Variants in ANK1 observed in about 807,000 individuals in gnomAD.
ANK1 encodes the protein ankyrin 1, also known as ankyrin-1.
Under a neutral mutation model 210.4 loss-of-function variants are expected in ANK1, and 51 were observed. The observed-to-expected ratio is 0.24, with a 90% CI of 0.19 to 0.31. The LOEUF is 0.31. Ranked by LOEUF, ANK1 falls within the 10% of genes least tolerant of loss-of-function variation. The pLI is 1.00. For synonymous variants in ANK1, 967 were observed against 1,025.9 expected, an observed-to-expected ratio of 0.94 and a Z score of 1.10; for missense variants, 2,051 against 2,504.4, an observed-to-expected ratio of 0.82 and a Z score of 3.86.
chr8:41,881,177 G>A (rs1259324617), intron 1 of ANK1, among the ~76,000 whole-genome samples: 1 of 152,182 alleles, frequency 6.6e-6, no homozygotes, highest in Admixed American at 6.5e-5. Context: ...CCTTCCAAGA[G>A]GCTGTGTCTT....
chr8:41,847,050 C>T (rs1019928203), intron 1 of ANK1, among the ~76,000 whole-genome samples: 2 of 152,232 alleles, frequency 1.3e-5, no homozygotes, highest in African/African-American at 4.8e-5. Flanking sequence ...GTGACTTTCT[C>T]ACCTTCCAGT....
At chr8:41,716,844 A>G in intron 13 of ANK1, 109 bp downstream of exon 13, 1 of 1,122,588 alleles carries the variant, frequency 8.9e-7, no homozygotes. Context: ...ATGAAAAGTG[A>G]TCCCCAGGCC....
At position 41,694,490 on chromosome 8, in the gene ANK1, C is replaced by T. The variant is rs1820247392; in HGVS notation, c.3327+102G>A. 1.0e-5 allele frequency: 12 copies of T among 1,198,956 alleles called. No individual in the cohort carries two copies. Among genetic ancestry groups the T allele is most frequent in the Middle Eastern group, 5.4e-4 (2 of 3,674 alleles). The allele number at this position is 1,198,956 out of a possible 1,614,324, so 74.3% of individuals were successfully genotyped here. On this transcript the variant is annotated intron_variant, in intron 28 of 42. Coordinates refer to ENST00000289734, the MANE Select transcript of ANK1 (RefSeq NM_000037.4). This position sits in a 1 kb window ranked among gnomAD's most constrained non-coding sequence, Gnocchi z 5.7. The stretch of plus-strand genomic sequence containing the variant: ...AGATCTCCACTGTGGCATTTCAAAG[C>T]ACCAGACAAAAGTGTGGGGATGTCC...
rs1216556162 is a variant in ANK1 at position 41,659,046 on chromosome 8, C to T, written c.*36+2384G>A. Among the ~76,000 whole-genome samples, 6 of 152,362 alleles carry T rather than the reference C, an allele frequency of 3.9e-5. No individual in the cohort carries two copies. The South Asian group carries it at 6.2e-4, about 16-fold the overall frequency. On this transcript the variant is annotated intron_variant, in intron 42 of 42. Transcript: ENST00000289734. ...CAATATTTTGGTCAACTGATGAATA[C>T]ATAACTTTGTGTTAAATGCGTTTCT... is the stretch of plus-strand genomic sequence containing the variant.
intron 3 of ANK1, 94 bp downstream of exon 3, chr8:41,733,877 T>C: frequency 3.0e-6 from 3 of 1,008,046 alleles, no homozygotes; most frequent in Non-Finnish European, 4.8e-6. Flanking sequence ...TTCAGATGCA[T>C]GCCTGAGTTC....
chr8:41,727,915 T>C lies in ANK1; in HGVS notation c.320A>G (p.Gln107Arg), dbSNP rs767602334. 1.2e-6 allele frequency: 2 copies of C among 1,614,074 alleles called. No homozygotes were observed. The highest frequency in any genetic ancestry group is 2.2e-5 in the East Asian group (1 of 44,894). ...AGACCAGAGAGCCATTACCTGTGAC[T>C]GGGCGTTGACGTTGGCTCCATAGTT... ...LVNYGANVNA[Q>R]SQKGFTPLYM... Residue 107 changes from glutamine (Q) to arginine (R), a missense_variant, in exon 4 of 43, where the codon CAG (glutamine) becomes CGG (arginine). Transcript: ENST00000289734.
At chr8:41,710,980 G>A (rs769440811) in intron 16 of ANK1, among the ~76,000 whole-genome samples, 8 of 152,232 alleles carry the variant, frequency 5.3e-5, no homozygotes, top group African/African-American at 1.9e-4. Context: ...AGAATGACAT[G>A]AGATAATCCT....
intron 1 of ANK1, among the ~76,000 whole-genome samples, chr8:41,881,139 G>A (rs1817507503): frequency 6.6e-6 from 1 of 152,218 alleles, no homozygotes; most frequent in South Asian, 2.1e-4. Flanking sequence ...TCCTCATGAA[G>A]GGGATGGGGT....
intron 1 of ANK1, among the ~76,000 whole-genome samples, chr8:41,776,654 C>T (rs979765176): frequency 6.6e-6 from 1 of 152,208 alleles, no homozygotes; most frequent in Non-Finnish European, 1.5e-5. Context: ...TAAGGGGTGG[C>T]TTCCACTGGC....
At chr8:41,739,522 T>TTTC (rs1834200533) in intron 2 of ANK1, among the ~76,000 whole-genome samples, 2 of 35,432 alleles carry the variant, frequency 5.6e-5, no homozygotes, top group Non-Finnish European at 8.9e-5. Flanking sequence ...TTTTTCTTTC[T>TTTC]TTTTTTTTTT....
chr8:41,727,238 C>T lies in ANK1; in HGVS notation c.426+12G>A. ...ACTTCTGGTGGTGACGACATTTTTC[C>T]AAGGTACTTACTTCTGTGGCTACAT... On this transcript the variant is annotated intron_variant, in intron 5 of 42. Transcript: ENST00000289734. The T allele has an allele frequency of 6.2e-7, 1 of 1,610,612 alleles. No individual in the cohort carries two copies. The highest frequency in any genetic ancestry group is 8.5e-7 in the Non-Finnish European group (1 of 1,176,788).
intron 1 of ANK1, among the ~76,000 whole-genome samples, chr8:41,892,617 G>A (rs1359177687): frequency 2.0e-5 from 3 of 152,138 alleles, no homozygotes; most frequent in African/African-American, 7.2e-5. Context: ...AGATTAGATG[G>A]TTCCACTGCC....
chr8:41,746,161 G>C (rs759892534), intron 2 of ANK1, among the ~76,000 whole-genome samples: 4 of 152,194 alleles, frequency 2.6e-5, no homozygotes, highest in Non-Finnish European at 5.9e-5. Context: ...CAGGCCTCTC[G>C]TTCTGCGGGG....
intron 29 of ANK1, 69 bp downstream of exon 29, chr8:41,693,829 C>A: frequency 6.6e-7 from 1 of 1,518,884 alleles, no homozygotes; most frequent in South Asian, 1.2e-5. Flanking sequence ...CTTCTCGAGT[C>A]ACCCCCCTAC....
At chr8:41,714,704 T>A (rs1466985428) in intron 15 of ANK1, among the ~76,000 whole-genome samples, 3 of 151,958 alleles carry the variant, frequency 2.0e-5, no homozygotes, top group Admixed American at 2.0e-4. Flanking sequence ...TATAATTGTT[T>A]TTTTAAGTTA....
chr8:41,816,886 A>G (rs1265683582), intron 1 of ANK1, among the ~76,000 whole-genome samples: 1 of 152,226 alleles, frequency 6.6e-6, no homozygotes, highest in Non-Finnish European at 1.5e-5. Flanking sequence ...ATCACATTAC[A>G]TGACATACAT....
chr8:41,802,674 T>C (rs1342247049), intron 1 of ANK1, among the ~76,000 whole-genome samples: 1 of 152,058 alleles, frequency 6.6e-6, no homozygotes, highest in Non-Finnish European at 1.5e-5. Context: ...CTGGGCACAG[T>C]GGCCTACACC....
Position 41,694,058 on chromosome 8 carries a change from G to A in ANK1, c.3372C>T (p.Asn1124=). ...TGACAATGGGGCTGAATGTGGCCTG[G>A]TTGCCCAGGAGCTTAGTGACAAGCT... ...PDELVTKLLG[N]QATFSPIVTV... Residue 1124 remains asparagine (N), a synonymous_variant, in exon 29 of 43, where the codon AAC becomes AAT. Transcript: ENST00000289734. The surrounding 1 kb of genome is among the most constrained non-coding windows in gnomAD (Gnocchi z 5.7). 1 of 1,614,026 alleles carries A rather than the reference G, an allele frequency of 6.2e-7. No individual in the cohort carries two copies. Among genetic ancestry groups the A allele is most frequent in the Non-Finnish European group, 8.5e-7 (1 of 1,179,966 alleles).
intron 1 of ANK1, among the ~76,000 whole-genome samples, chr8:41,821,396 G>C (rs1234168699): frequency 6.6e-6 from 1 of 152,036 alleles, no homozygotes; most frequent in Non-Finnish European, 1.5e-5. Context: ...CTGTGTACGT[G>C]GTCATCTCCT....
Sources: gnomAD v4.1 joint callset for allele counts (sites outside exome capture counted in the v4.1 genomes callset) on GRCh38, gnomAD v4.1.1 for gene constraint, Gnocchi (gnomAD v3.1) non-coding constraint, MANE v1.5 for transcripts, NCBI Gene and HGNC (gene_info 2026-07-23, HGNC 2026-07-21) for gene names.